The following ATRNL1 variants were observed in gnomAD, a reference collection of about 807,000 sequenced individuals.
ATRNL1 encodes the protein attractin-like protein 1.
Under a neutral mutation model 182.7 loss-of-function variants are expected in ATRNL1, and 95 were observed. The observed-to-expected ratio is 0.52, with a 90% CI of 0.44 to 0.62. The LOEUF is 0.62. ATRNL1 is among the 20% of genes least tolerant of loss of function. ATRNL1 has a pLI of 0.00. For missense variants in ATRNL1, 1,471 were observed against 1,679.5 expected (o/e 0.88, Z 2.17); for synonymous variants, 576 against 568.3 (o/e 1.01, Z -0.19).
intron 26 of ATRNL1, among the ~76,000 whole-genome samples, chr10:115,710,030 T>C (rs537347417): frequency 6.6e-6 from 1 of 152,156 alleles, no homozygotes; most frequent in African/African-American, 2.4e-5. Flanking sequence ...ATAGTTTCTG[T>C]AGTTTTAGCA....
chr10:115,847,618 A>C (rs1950959847), intron 27 of ATRNL1, among the ~76,000 whole-genome samples: 1 of 152,130 alleles, frequency 6.6e-6, no homozygotes, highest in Non-Finnish European at 1.5e-5. Context: ...GAGAGGAAAC[A>C]ATTGGGAAAA....
chr10:115,282,250 T>A (rs192051177), intron 14 of ATRNL1, among the ~76,000 whole-genome samples: 149 of 148,310 alleles, frequency 1.0e-3, no homozygotes, highest in Non-Finnish European at 2.0e-3. Flanking sequence ...TTTCTTTTTT[T>A]ATTTTTTTAA....
At position 115,241,600 on chromosome 10, in the gene ATRNL1, G is replaced by A; in HGVS notation, c.1562G>A (p.Arg521Lys). The A allele has an allele frequency of 6.2e-7, 1 of 1,608,154 alleles. No individual in the cohort carries two copies. Among genetic ancestry groups the A allele is most frequent in the South Asian group, 1.1e-5 (1 of 90,422 alleles). ...WTILKESGFA[R>K]YLHSAVLING... is the part of the protein sequence containing the mutation. ...ATTTTGAAAGAAAGTGGGTTTGCCAGATACCTTCATTCAGCTGTTCTTATC... is the reference window on the plus strand; with the variant it reads ...ATTTTGAAAGAAAGTGGGTTTGCCAAATACCTTCATTCAGCTGTTCTTATC... Residue 521 changes from arginine (R) to lysine (K), a missense_variant, in exon 10 of 29, where the codon AGA (arginine) becomes AAA (lysine). By Grantham distance (26) the Arg-to-Lys change is conservative. Around this residue, in one of 3 missense-constraint regions of ATRNL1, gnomAD observed 1,031 missense variants for 1,156.0 expected, o/e 0.89. Coordinates refer to ENST00000355044, the MANE Select transcript of ATRNL1 (RefSeq NM_207303.4).
At chr10:115,428,813 A>G (rs912332579) in intron 21 of ATRNL1, among the ~76,000 whole-genome samples, 1 of 152,052 alleles carries the variant, frequency 6.6e-6, no homozygotes, top group East Asian at 1.9e-4. Context: ...GAACATTCAT[A>G]TGGTCTTTAT....
intron 28 of ATRNL1, among the ~76,000 whole-genome samples, chr10:115,905,345 C>G (rs781866531): frequency 1.3e-5 from 2 of 151,940 alleles, no homozygotes; most frequent in South Asian, 2.1e-4. Context: ...CTCAGCCTCC[C>G]GAGTAGCTGG....
rs534944000 is a variant in ATRNL1 at position 115,420,965 on chromosome 10, C to T, written c.3270-5285C>T. Among the ~76,000 whole-genome samples, 166 of 152,154 alleles carry T rather than the reference C, an allele frequency of 1.1e-3. 2 individuals carry two copies. The highest frequency in any genetic ancestry group is 3.1e-3 in the African/African-American group (129 of 41,532). On this transcript the variant is annotated intron_variant, in intron 20 of 28. Coordinates refer to ENST00000355044, the MANE Select transcript of ATRNL1 (RefSeq NM_207303.4). ...AAACTTTGAAGAAATGAATAAATTT[C>T]TTATAGCTTATCTTACCAAGATTGG... is the stretch of plus-strand genomic sequence containing the variant.
At chr10:115,672,154 A>G (rs117440850) in intron 26 of ATRNL1, among the ~76,000 whole-genome samples, 7,171 of 152,204 alleles carry the variant, frequency 0.047, 215 homozygotes, top group Non-Finnish European at 0.067. Flanking sequence ...CCATTTATAT[A>G]TGCCCAGCCA....
At chr10:115,870,937 G>T (rs1951564586) in intron 28 of ATRNL1, among the ~76,000 whole-genome samples, 1 of 152,130 alleles carries the variant, frequency 6.6e-6, no homozygotes. Context: ...CAGGCCCATA[G>T]TAAATGCTAT....
rs539447951 is a variant in ATRNL1 at position 115,801,287 on chromosome 10, C to T, written c.3904-46590C>T. ...GGAAATATGAGTCCACTAGGAACTA[C>T]AATCTTTATGGCCACTTGAAAATCT... On this transcript the variant is annotated intron_variant, in intron 27 of 28. Coordinates refer to ENST00000355044, the MANE Select transcript of ATRNL1 (RefSeq NM_207303.4). 3.9e-5 allele frequency among the ~76,000 whole-genome samples: 6 copies of T among 152,094 alleles called. No homozygotes were observed. In the East Asian group the frequency reaches 1.2e-3, roughly 29 times the overall value.
At chr10:115,425,225 T>G (rs1170480631) in intron 20 of ATRNL1, among the ~76,000 whole-genome samples, 2 of 151,866 alleles carry the variant, frequency 1.3e-5, no homozygotes, top group African/African-American at 4.8e-5. Flanking sequence ...TCCTCTGTTC[T>G]TATGAATGCT....
chr10:115,158,706 C>A (rs782324832), intron 5 of ATRNL1, among the ~76,000 whole-genome samples: 4 of 151,842 alleles, frequency 2.6e-5, no homozygotes, highest in Non-Finnish European at 5.9e-5. Flanking sequence ...TTTCTTAAAT[C>A]AGACTCTGCT....
At chr10:115,407,405 A>G (rs1311294356) in intron 20 of ATRNL1, among the ~76,000 whole-genome samples, 3 of 151,918 alleles carry the variant, frequency 2.0e-5, no homozygotes, top group Non-Finnish European at 2.9e-5. Context: ...CCCAGCCACT[A>G]GTACCTTCTG....
intron 26 of ATRNL1, among the ~76,000 whole-genome samples, chr10:115,669,448 T>A (rs896771979): frequency 6.6e-6 from 1 of 152,186 alleles, no homozygotes; most frequent in Admixed American, 6.5e-5. Context: ...TGACTTATCA[T>A]AAGGTAAATG....
chr10:115,212,735 A>G (rs1849080556), intron 8 of ATRNL1, among the ~76,000 whole-genome samples: 1 of 152,128 alleles, frequency 6.6e-6, no homozygotes, highest in Admixed American at 6.6e-5. Flanking sequence ...TCCTTCACAG[A>G]TTAACACAGG....
intron 19 of ATRNL1, among the ~76,000 whole-genome samples, chr10:115,375,609 T>C (rs1370076218): frequency 6.6e-6 from 1 of 152,056 alleles, no homozygotes; most frequent in Non-Finnish European, 1.5e-5. Context: ...CTCATTCTTT[T>C]TTCTTTATCT....
At chr10:115,116,303 G>A (rs1229389315) in intron 1 of ATRNL1, among the ~76,000 whole-genome samples, 1 of 152,010 alleles carries the variant, frequency 6.6e-6, no homozygotes, top group East Asian at 1.9e-4. Flanking sequence ...TTTGAAACTT[G>A]GAATATGTAT....
intron 26 of ATRNL1, among the ~76,000 whole-genome samples, chr10:115,595,065 T>A (rs1856152406): frequency 6.6e-6 from 1 of 152,164 alleles, no homozygotes; most frequent in Admixed American, 6.5e-5. Context: ...CCATAAACAT[T>A]CATGTAAATC....
intron 8 of ATRNL1, among the ~76,000 whole-genome samples, chr10:115,186,739 G>C: frequency 6.6e-6 from 1 of 152,122 alleles, no homozygotes; most frequent in South Asian, 2.1e-4. Context: ...GGTGCAGAAA[G>C]TATATATACA....
At chr10:115,416,009 G>C (rs1412907831) in intron 20 of ATRNL1, among the ~76,000 whole-genome samples, 4 of 151,878 alleles carry the variant, frequency 2.6e-5, no homozygotes, top group African/African-American at 9.7e-5. Context: ...ATCTTTTTCA[G>C]TGTTTTTCTA....
Sources: gnomAD v4.1 joint callset for allele counts (sites outside exome capture counted in the v4.1 genomes callset) on GRCh38, gnomAD v4.1.1 for gene constraint, gnomAD v4.1.1 regional missense constraint, MANE v1.5 for transcripts, NCBI Gene and HGNC (gene_info 2026-07-23, HGNC 2026-07-21) for gene names.